The following PTPRT variants were observed in gnomAD, a reference collection of about 807,000 sequenced individuals.
The protein encoded by PTPRT is receptor-type tyrosine-protein phosphatase T.
Under a neutral mutation model 176.8 loss-of-function variants are expected in PTPRT, and 56 were observed. The observed-to-expected ratio is 0.32, with a 90% CI of 0.26 to 0.40. PTPRT has a LOEUF of 0.40. Ranked by LOEUF, PTPRT falls within the 10% of genes least tolerant of loss-of-function variation. The pLI is 1.00. For missense variants in PTPRT, 1,540 were observed against 1,908.2 expected (o/e 0.81, Z 3.60); for synonymous variants, 783 against 739.0 (o/e 1.06, Z -0.96).
chr20:42,962,449 T>TA (rs1982042780), intron 1 of PTPRT, among the ~76,000 whole-genome samples: 1 of 149,432 alleles, frequency 6.7e-6, no homozygotes, highest in African/African-American at 2.5e-5. Context: ...ATACCTAAAT[T>TA]ACAAAAAAAA....
At chr20:42,699,302 A>T (rs1569093815) in intron 6 of PTPRT, among the ~76,000 whole-genome samples, 1 of 152,152 alleles carries the variant, frequency 6.6e-6, no homozygotes. Context: ...GCACCTGCTG[A>T]AATAGTTTCT....
chr20:42,518,617 C>T (rs2072112797), intron 7 of PTPRT, among the ~76,000 whole-genome samples: 1 of 151,808 alleles, frequency 6.6e-6, no homozygotes, highest in African/African-American at 2.4e-5. Context: ...CTATAATTCC[C>T]CTTAATTCTT....
intron 13 of PTPRT, among the ~76,000 whole-genome samples, chr20:42,265,507 G>A (rs181253587): frequency 2.2e-4 from 34 of 152,144 alleles, no homozygotes; most frequent in Non-Finnish European, 3.4e-4. Context: ...TCTTTTCATC[G>A]TCTTATTGGA....
At chr20:42,579,122 T>C (rs959402103) in intron 7 of PTPRT, among the ~76,000 whole-genome samples, 5 of 142,136 alleles carry the variant, frequency 3.5e-5, no homozygotes, top group East Asian at 2.1e-4. Context: ...TGTGTTCTCA[T>C]TGATCAATTC....
intron 16 of PTPRT, 145 bp downstream of exon 16, chr20:42,199,095 G>C: frequency 2.2e-6 from 2 of 919,824 alleles, no homozygotes; most frequent in Non-Finnish European, 3.1e-6. Context: ...TCTTTGTCAG[G>C]GAGAACCTTC....
At chr20:42,693,010 G>A (rs1031895157) in intron 6 of PTPRT, among the ~76,000 whole-genome samples, 5 of 152,130 alleles carry the variant, frequency 3.3e-5, no homozygotes, top group African/African-American at 1.2e-4. Flanking sequence ...AAGACATTGA[G>A]CTATCCACAT....
chr20:42,861,138 T>C (rs2078653564), intron 2 of PTPRT, among the ~76,000 whole-genome samples: 1 of 152,232 alleles, frequency 6.6e-6, no homozygotes, highest in African/African-American at 2.4e-5. Flanking sequence ...AGGGGGTGGC[T>C]GTGTTCCTCT....
chr20:42,206,836 GC>G (rs2055481620), intron 15 of PTPRT, among the ~76,000 whole-genome samples: 1 of 152,240 alleles, frequency 6.6e-6, no homozygotes, highest in African/African-American at 2.4e-5. Flanking sequence ...ACCTCTGGGG[GC>G]AGGGCACAGA....
At chr20:42,663,774 T>C (rs539706665) in intron 7 of PTPRT, among the ~76,000 whole-genome samples, 33 of 152,324 alleles carry the variant, frequency 2.2e-4, no homozygotes, top group African/African-American at 7.5e-4. Context: ...CATTAACCCA[T>C]GCCATTAGAT....
At chr20:42,212,407 C>G (rs1010832741) in intron 15 of PTPRT, among the ~76,000 whole-genome samples, 1 of 97,316 alleles carries the variant, frequency 1.0e-5, no homozygotes, top group Non-Finnish European at 2.1e-5. Context: ...CCCAATTAGT[C>G]TTTTTTCTCA....
intron 1 of PTPRT, among the ~76,000 whole-genome samples, chr20:43,169,943 G>A (rs2014954515): frequency 6.6e-6 from 1 of 152,170 alleles, no homozygotes; most frequent in Non-Finnish European, 1.5e-5. Context: ...TGGTGGCTCA[G>A]AGGCTCTTTA....
At chr20:42,530,180 T>C (rs2072356077) in intron 7 of PTPRT, among the ~76,000 whole-genome samples, 1 of 152,194 alleles carries the variant, frequency 6.6e-6, no homozygotes, top group African/African-American at 2.4e-5. Context: ...ACAGATTCAC[T>C]GAGAAATTAG....
downstream of PTPRT, among the ~76,000 whole-genome samples, chr20:42,069,549 T>C (rs1982231888): frequency 6.6e-6 from 1 of 152,180 alleles, no homozygotes; most frequent in Non-Finnish European, 1.5e-5. Context: ...TCTTCTCACC[T>C]CTTCTTTTTA....
rs2074155312 is a variant in PTPRT, at chr20:42,619,873, GC to G, written c.1153+57992del. 3.0e-5 allele frequency among the ~76,000 whole-genome samples: 4 copies of G among 135,204 alleles called. No individual in the cohort carries two copies. In the South Asian group the frequency reaches 9.4e-4, roughly 32 times the overall value. 88.7% of individuals were successfully genotyped at this position (135,204 alleles called of 152,430 possible). ...TTTTTTCAAAGTTTTCAACTTCTTTGCCTTTGGTTTGAATGTCCTCCCGTAG... is the reference window on the plus strand; with the variant it reads ...TTTTTTCAAAGTTTTCAACTTCTTTGCTTTGGTTTGAATGTCCTCCCGTAG... On this transcript the variant is annotated intron_variant, in intron 7 of 30. Coordinates refer to ENST00000373187, the MANE Select transcript of PTPRT (RefSeq NM_007050.6).
At position 42,188,624 on chromosome 20, in the gene PTPRT, G is replaced by A. The variant is rs189322851; in HGVS notation, c.2491+10616C>T. ...TCAAGTCTGTAGCTTTGAGCAGAGG[G>A]GGGGAAATTGGTCTCTAAGCTCAGT... On this transcript the variant is annotated intron_variant, in intron 16 of 30. Coordinates refer to ENST00000373187, the MANE Select transcript of PTPRT (RefSeq NM_007050.6). Among the ~76,000 whole-genome samples the A allele has an allele frequency of 2.0e-5, 3 of 152,112 alleles. No individual in the cohort carries two copies. The East Asian group carries it at 5.8e-4, about 29-fold the overall frequency.
At chr20:43,090,529 A>C (rs1159179016) in intron 1 of PTPRT, among the ~76,000 whole-genome samples, 1 of 152,158 alleles carries the variant, frequency 6.6e-6, no homozygotes, top group African/African-American at 2.4e-5. Flanking sequence ...TGGCCTCCCA[A>C]AGTGCCGGGA....
Position 42,503,476 on chromosome 20 carries a change from C to T in PTPRT, c.1154-30914G>A, listed in dbSNP as rs562085025. 4.6e-5 allele frequency among the ~76,000 whole-genome samples: 7 copies of T among 152,100 alleles called. No homozygotes were observed. In the South Asian group the frequency reaches 1.2e-3, roughly 27 times the overall value. On this transcript the variant is annotated intron_variant, in intron 7 of 30. Transcript: ENST00000373187. ...GCTTTCAAACTTCCAAATGTATAAA[C>T]TTTAATAAAAGTAAAATTTTTGCTT...
intron 1 of PTPRT, among the ~76,000 whole-genome samples, chr20:42,887,287 T>A (rs1339628957): frequency 6.6e-6 from 1 of 152,132 alleles, no homozygotes; most frequent in Non-Finnish European, 1.5e-5. Context: ...CCAGTGCCCT[T>A]ATAAAGAGAC....
intron 1 of PTPRT, among the ~76,000 whole-genome samples, chr20:43,140,361 AAC>A (rs146548500): frequency 6.6e-6 from 1 of 151,668 alleles, no homozygotes. Context: ...CCTGCACATG[AAC>A]ACACACACAC....
Sources: gnomAD v4.1 joint callset for allele counts (sites outside exome capture counted in the v4.1 genomes callset) on GRCh38, gnomAD v4.1.1 for gene constraint, MANE v1.5 for transcripts, NCBI Gene and HGNC (gene_info 2026-07-23, HGNC 2026-07-21) for gene names.